NFX1: variants seen among roughly 807,000 people sequenced by gnomAD.
The protein encoded by NFX1 is nuclear transcription factor, X-box binding 1.
A neutral mutation model predicts 137.2 loss-of-function variants in NFX1; 69 were observed. That is an observed-to-expected ratio of 0.50 (90% confidence interval 0.41 to 0.61). The LOEUF (loss-of-function observed/expected upper bound fraction) is 0.61. Ranked by LOEUF, NFX1 falls within the 20% of genes least tolerant of loss-of-function variation. The probability of loss-of-function intolerance (pLI) is 0.00; values close to 1 mark genes in which losing one functional copy is unlikely to be tolerated. For missense variants in NFX1, 1,167 were observed against 1,391.0 expected, an observed-to-expected ratio of 0.84 and a Z score of 2.56; for synonymous variants, 495 against 474.1, an observed-to-expected ratio of 1.04 and a Z score of -0.57.
intron 15 of NFX1, chr9:33,348,116 C>G (rs906912625): frequency 2.6e-5 from 4 of 152,118 alleles, no homozygotes; most frequent in African/African-American, 7.3e-5. Context: ...TTTGGGAGGC[C>G]AAGGCAGGTA....
At chr9:33,311,199 A>G (rs2118314061) in intron 6 of NFX1, 22 bp downstream of exon 6, 1 of 1,604,744 alleles carries the variant, frequency 6.2e-7, no homozygotes, top group South Asian at 1.1e-5. Flanking sequence ...ATTACACCCT[A>G]AAGAAGACCT....
intron 4 of NFX1, among the ~76,000 whole-genome samples, chr9:33,304,817 G>C (rs556842104): frequency 2.6e-4 from 40 of 152,288 alleles, no homozygotes; most frequent in African/African-American, 9.1e-4. Flanking sequence ...GGAAGTAAGA[G>C]ATCAGTGGAA....
intron 12 of NFX1, among the ~76,000 whole-genome samples, chr9:33,339,691 A>T (rs1019512324): frequency 1.3e-5 from 2 of 152,262 alleles, no homozygotes; most frequent in African/African-American, 4.8e-5. Flanking sequence ...ATGAGCCTGT[A>T]AATTCAAAAG....
chr9:33,329,673 T>C (rs1008032961), intron 10 of NFX1, among the ~76,000 whole-genome samples: 2 of 151,990 alleles, frequency 1.3e-5, no homozygotes, highest in African/African-American at 2.4e-5. Context: ...TATTTATTTA[T>C]TTTGAGACAG....
At position 33,312,926 on chromosome 9, in the gene NFX1, A is replaced by C. The variant is rs113592819; in HGVS notation, c.1449-728A>C. 7.4e-3 allele frequency among the ~76,000 whole-genome samples: 1,130 copies of C among 152,298 alleles called. 10 individuals carry two copies. The highest frequency in any genetic ancestry group is 0.013 in the Non-Finnish European group (876 of 67,998). On this transcript the variant is annotated intron_variant, in intron 6 of 23. Coordinates refer to ENST00000379540, the MANE Select transcript of NFX1 (RefSeq NM_002504.6). ...ATATCCTTCTCTCAGCAAAATCAGGATGTTTATTAGAACAAAACTAGAATT... is the reference window on the plus strand; with the variant it reads ...ATATCCTTCTCTCAGCAAAATCAGGCTGTTTATTAGAACAAAACTAGAATT...
chr9:33,349,929 C>G (rs1475146005), intron 15 of NFX1, among the ~76,000 whole-genome samples: 1 of 152,056 alleles, frequency 6.6e-6, no homozygotes, highest in Non-Finnish European at 1.5e-5. Flanking sequence ...ATCACTTGAA[C>G]TCAGGAGTTC....
chr9:33,327,617 G>A (rs1019782968), intron 9 of NFX1, among the ~76,000 whole-genome samples: 1 of 152,050 alleles, frequency 6.6e-6, no homozygotes, highest in South Asian at 2.1e-4. Flanking sequence ...TGCCCACCTC[G>A]GTCTCCCAAA....
At chr9:33,357,786 C>A (rs756181743) in intron 19 of NFX1, among the ~76,000 whole-genome samples, 42 of 151,406 alleles carry the variant, frequency 2.8e-4, no homozygotes, top group Non-Finnish European at 5.3e-4. Flanking sequence ...CTCAAGCGAA[C>A]CTCCTGCCTT....
chr9:33,354,934 G>A, intron 19 of NFX1, 42 bp downstream of exon 19: 1 of 1,606,682 alleles, frequency 6.2e-7, no homozygotes, highest in Non-Finnish European at 8.5e-7. Context: ...TTGCCCTTGA[G>A]CTCTGTGAAA....
At chr9:33,295,577 C>A in intron 2 of NFX1, 150 bp downstream of exon 2, 1 of 887,834 alleles carries the variant, frequency 1.1e-6, no homozygotes, top group Non-Finnish European at 1.7e-6. Context: ...CTAAGTTCTA[C>A]CACCACTCGC....
intron 11 of NFX1, among the ~76,000 whole-genome samples, chr9:33,334,468 C>G (rs1404786291): frequency 6.6e-6 from 1 of 151,692 alleles, no homozygotes; most frequent in Admixed American, 6.6e-5. Context: ...AACAATAAAA[C>G]AAAATAATAA....
intron 5 of NFX1, among the ~76,000 whole-genome samples, chr9:33,308,033 G>T (rs1821822597): frequency 6.6e-6 from 1 of 151,942 alleles, no homozygotes; most frequent in Non-Finnish European, 1.5e-5. Flanking sequence ...TCGAACTCCT[G>T]GGCTCAAGCA....
intron 23 of NFX1, among the ~76,000 whole-genome samples, chr9:33,368,672 T>C (rs1210571986): frequency 6.6e-6 from 1 of 152,078 alleles, no homozygotes; most frequent in Non-Finnish European, 1.5e-5. Context: ...AGGAGAGGGG[T>C]GCCTACTCCT....
intron 12 of NFX1, among the ~76,000 whole-genome samples, chr9:33,341,936 G>T (rs1397250881): frequency 1.3e-5 from 2 of 152,036 alleles, no homozygotes; most frequent in Non-Finnish European, 2.9e-5. Context: ...GGCCAACATG[G>T]TGAACCCTGT....
At chr9:33,302,998 T>C (rs552690971) in intron 3 of NFX1, among the ~76,000 whole-genome samples, 193 bp from the exon 4 acceptor site, 1 of 146,374 alleles carries the variant, frequency 6.8e-6, no homozygotes, top group African/African-American at 2.5e-5. Context: ...ATGAACCCCA[T>C]ATTTAGTGGA....
In NFX1 at chr9:33,294,819, G is replaced by T; in HGVS notation, c.425G>T (p.Ser142Ile). The part of the protein sequence containing the change: ...AGLESSTRSE[S>I]GTDLREHSPS... ...TTAGAGAGCTCGACCAGATCAGAGA[G>T]TGGGACAGACCTCAGAGAGCATAGT... The change falls in exon 2 of 24, where the codon AGT becomes ATT. Residue 142 changes from serine (S) to isoleucine (I), a missense_variant. Physicochemically the swap from Ser to Ile is moderately radical, Grantham distance 142. This residue lies in a region of NFX1 where 367 missense variants were observed against 386.7 expected (regional missense o/e 0.95). Transcript: ENST00000379540. 2 of 1,614,156 alleles carry T rather than the reference G, an allele frequency of 1.2e-6. No individual in the cohort carries two copies. The highest frequency in any genetic ancestry group is 1.7e-6 in the Non-Finnish European group (2 of 1,180,044).
intron 2 of NFX1, 108 bp downstream of exon 2, chr9:33,295,535 G>A: frequency 1.6e-6 from 2 of 1,261,362 alleles, no homozygotes; most frequent in Non-Finnish European, 2.1e-6. Context: ...AAGTTACACT[G>A]TAAAAAGTCT....
intron 7 of NFX1, among the ~76,000 whole-genome samples, chr9:33,316,243 A>G (rs559668651): frequency 5.7e-4 from 87 of 151,746 alleles, no homozygotes; most frequent in African/African-American, 2.0e-3. Context: ...TTGATTATCC[A>G]TTATGTCATA....
At chr9:33,350,591 G>A (rs1823601686) in intron 15 of NFX1, among the ~76,000 whole-genome samples, 1 of 152,186 alleles carries the variant, frequency 6.6e-6, no homozygotes, top group South Asian at 2.1e-4. Context: ...AGTCATAACA[G>A]GGATTATTAA....
Sources: gnomAD v4.1 joint callset for allele counts (sites outside exome capture counted in the v4.1 genomes callset) on GRCh38, gnomAD v4.1.1 for gene constraint, gnomAD v4.1.1 regional missense constraint, MANE v1.5 for transcripts, NCBI Gene and HGNC (gene_info 2026-07-23, HGNC 2026-07-21) for gene names.